The following ZMYM4 variants were observed in gnomAD, a reference collection of about 807,000 sequenced individuals.
ZMYM4 encodes the protein zinc finger MYM-type containing 4, also known as zinc finger MYM-type protein 4.
A neutral mutation model predicts 183.2 loss-of-function variants in ZMYM4; 31 were observed. That is an observed-to-expected ratio of 0.17 (90% CI 0.13 to 0.23). ZMYM4 has a LOEUF of 0.23. Ranked by LOEUF, ZMYM4 falls within the 10% of genes least tolerant of loss-of-function variation. The pLI is 1.00. For synonymous variants in ZMYM4, 592 were observed against 631.2 expected (o/e 0.94, Z 0.93); for missense variants, 1,273 against 1,840.3 (o/e 0.69, Z 5.64).
chr1:35,390,434 C>A (rs1644679437), intron 15 of ZMYM4, among the ~76,000 whole-genome samples: 1 of 151,304 alleles, frequency 6.6e-6, no homozygotes, highest in Non-Finnish European at 1.5e-5. Flanking sequence ...GGGTTGTTCT[C>A]TGGCGAGCAG....
chr1:35,316,501 A>G (rs944137878), intron 1 of ZMYM4, among the ~76,000 whole-genome samples: 2 of 152,216 alleles, frequency 1.3e-5, no homozygotes, highest in African/African-American at 4.8e-5. Context: ...TAATTAGCAG[A>G]TGTCTCACGA....
chr1:35,370,725 T>C (rs78550058), intron 7 of ZMYM4, 98 bp downstream of exon 7: 1 of 767,404 alleles, frequency 1.3e-6, no homozygotes, highest in South Asian at 5.6e-5. Context: ...CTACATTTAT[T>C]CCTTTTTTTT....
chr1:35,303,135 T>C (rs1369634873), intron 1 of ZMYM4, among the ~76,000 whole-genome samples: 1 of 147,016 alleles, frequency 6.8e-6, no homozygotes, highest in African/African-American at 2.5e-5. Flanking sequence ...TTGCAAAAAA[T>C]CCAGAAATTA....
At chr1:35,270,546 G>T (rs1467529145) in intron 1 of ZMYM4, among the ~76,000 whole-genome samples, 1 of 152,130 alleles carries the variant, frequency 6.6e-6, no homozygotes, top group Non-Finnish European at 1.5e-5. Flanking sequence ...ATCACTTGAG[G>T]CCAGGAGTTC....
At chr1:35,419,434 TTC>T (rs1558213061) in intron 29 of ZMYM4, 34 bp from the exon 30 acceptor site, 5 of 1,599,044 alleles carry the variant, frequency 3.1e-6, no homozygotes, top group East Asian at 4.5e-5. Context: ...ATTTCTAATT[TTC>T]TTTTTTCTCT....
intron 23 of ZMYM4, among the ~76,000 whole-genome samples, chr1:35,404,380 A>T (rs1361543579): frequency 6.6e-6 from 1 of 152,170 alleles, no homozygotes; most frequent in Non-Finnish European, 1.5e-5. Context: ...TAGTTTCTTA[A>T]TATAGAAGCT....
At chr1:35,317,122 CAA>C (rs763716832) in intron 1 of ZMYM4, among the ~76,000 whole-genome samples, 15 of 96,792 alleles carry the variant, frequency 1.5e-4, no homozygotes, top group Admixed American at 2.5e-4. Context: ...GACTTCATCT[CAA>C]AAAAAAAAAA....
At chr1:35,379,507 A>G (rs951152922) in intron 7 of ZMYM4, among the ~76,000 whole-genome samples, 1 of 152,242 alleles carries the variant, frequency 6.6e-6, no homozygotes, top group African/African-American at 2.4e-5. Flanking sequence ...AAGTGCTGGC[A>G]TTACAGGCGT....
chr1:35,271,547 C>T (rs2148661501), intron 1 of ZMYM4, among the ~76,000 whole-genome samples: 1 of 152,198 alleles, frequency 6.6e-6, no homozygotes, highest in African/African-American at 2.4e-5. Context: ...GGATTACAGG[C>T]AAGCACCACC....
At chr1:35,373,210 A>C (rs1644252380) in intron 7 of ZMYM4, among the ~76,000 whole-genome samples, 1 of 151,036 alleles carries the variant, frequency 6.6e-6, no homozygotes. Flanking sequence ...CATATAATTT[A>C]TGTCAGTATA....
At chr1:35,330,092 G>A (rs1475753951) in intron 2 of ZMYM4, among the ~76,000 whole-genome samples, 4 of 151,992 alleles carry the variant, frequency 2.6e-5, no homozygotes, top group Non-Finnish European at 5.9e-5. Context: ...GTGCATGCCT[G>A]TAGTCCCAGC....
Position 35,332,526 on chromosome 1 carries a change from G to A in ZMYM4, c.85+7121G>A, listed in dbSNP as rs139841794. ...GAAAGTTTGTTCACTCATGTTTGGT[G>A]CCTTGCCTAACAGGACTCAAAGACT... is the stretch of plus-strand genomic sequence containing the variant. On this transcript the variant is annotated intron_variant, in intron 2 of 29. Transcript: ENST00000314607. Among the ~76,000 whole-genome samples the A allele has an allele frequency of 2.5e-3, 375 of 151,134 alleles. 3 individuals are homozygous for A. The highest frequency in any genetic ancestry group is 8.8e-3 in the African/African-American group (361 of 41,174).
At chr1:35,316,377 A>G (rs1642046273) in intron 1 of ZMYM4, among the ~76,000 whole-genome samples, 1 of 152,214 alleles carries the variant, frequency 6.6e-6, no homozygotes, top group African/African-American at 2.4e-5. Context: ...CAAGGTTTAA[A>G]TGCCAGTTCT....
At chr1:35,285,214 A>G (rs1228708419) in intron 1 of ZMYM4, among the ~76,000 whole-genome samples, 2 of 151,970 alleles carry the variant, frequency 1.3e-5, no homozygotes, top group Non-Finnish European at 2.9e-5. Flanking sequence ...CTGAAAAAAG[A>G]GTTATTAGGA....
intron 7 of ZMYM4, chr1:35,370,879 C>A: frequency 2.8e-6 from 1 of 357,426 alleles, no homozygotes; most frequent in Non-Finnish European, 4.8e-6. Flanking sequence ...ACCAGCTCTC[C>A]CATCCTTGTT....
At chr1:35,311,057 A>G (rs898792893) in intron 1 of ZMYM4, among the ~76,000 whole-genome samples, 2 of 152,088 alleles carry the variant, frequency 1.3e-5, no homozygotes, top group Admixed American at 1.3e-4. Flanking sequence ...CATAGCCTCT[A>G]TTCACCTTTA....
intron 21 of ZMYM4, 21 bp from the exon 22 acceptor site, chr1:35,398,843 A>C: frequency 6.2e-7 from 1 of 1,609,106 alleles, no homozygotes; most frequent in Non-Finnish European, 8.5e-7. Context: ...TGAGGGCTTA[A>C]TTGTTATCTA....
rs551300678 is a variant in ZMYM4 at position 35,332,019 on chromosome 1, A to T, written c.85+6614A>T. 6.6e-5 allele frequency among the ~76,000 whole-genome samples: 10 copies of T among 152,086 alleles called. No homozygotes were observed. In the South Asian group the frequency reaches 2.1e-3, roughly 32 times the overall value. On this transcript the variant is annotated intron_variant, in intron 2 of 29. Transcript: ENST00000314607. ...CAGTGAAAAGATAAGAGAAAAAAAT[A>T]GAATTTTGTTATCTAGAATACATTT...
intron 18 of ZMYM4, 104 bp from the exon 19 acceptor site, chr1:35,396,448 C>T: frequency 6.7e-6 from 10 of 1,494,346 alleles, no homozygotes; most frequent in Non-Finnish European, 9.0e-6. Flanking sequence ...ATAGGTTACT[C>T]TTATTTTGAA....
Sources: allele counts gnomAD v4.1 joint callset (sites outside exome capture counted in the v4.1 genomes callset), GRCh38; gene constraint gnomAD v4.1.1; transcripts MANE v1.5; gene names NCBI Gene and HGNC (gene_info 2026-07-23, HGNC 2026-07-21).